RSF1: variants seen among roughly 807,000 people sequenced by gnomAD.
RSF1 encodes HBV pX-associated protein 8.
Under a neutral mutation model 145.2 loss-of-function variants are expected in RSF1, and 13 were observed. That is an observed-to-expected ratio of 0.09 (90% CI 0.06 to 0.14). The LOEUF (loss-of-function observed/expected upper bound fraction) is 0.14. RSF1 is among the 10% of genes least tolerant of loss of function. The pLI is 1.00. For missense variants in RSF1, 1,517 were observed against 1,718.2 expected, an observed-to-expected ratio of 0.88 and a Z score of 2.07; for synonymous variants, 577 against 592.6, an observed-to-expected ratio of 0.97 and a Z score of 0.38.
At chr11:77,696,541 A>C (rs931912873) in intron 7 of RSF1, among the ~76,000 whole-genome samples, 12 of 149,242 alleles carry the variant, frequency 8.0e-5, no homozygotes, top group Non-Finnish European at 7.4e-5. Flanking sequence ...TTCACAATAT[A>C]ATTTCTGCTC....
intron 2 of RSF1, 86 bp from the exon 3 acceptor site, chr11:77,747,214 T>C: frequency 2.5e-6 from 2 of 790,816 alleles, no homozygotes; most frequent in South Asian, 3.1e-5. Flanking sequence ...TTCTTGTTAA[T>C]ACATGTTTAT....
At chr11:77,869,876 C>G in the RSF1 span, 1 of 1,522,074 alleles carries the variant, frequency 6.6e-7, no homozygotes, top group Non-Finnish European at 9.1e-7. Flanking sequence ...GGGCCTTTGT[C>G]TTACAGACTT....
the RSF1 span, among the ~76,000 whole-genome samples, chr11:77,868,380 T>C: frequency 2.8e-5 from 3 of 105,382 alleles, no homozygotes; most frequent in Non-Finnish European, 5.6e-5. Context: ...TTTTTTGAGA[T>C]GAAGTCTTGG....
At chr11:77,828,387 GC>G in the RSF1 span, among the ~76,000 whole-genome samples, 1 of 152,168 alleles carries the variant, frequency 6.6e-6, no homozygotes, top group South Asian at 2.1e-4. Context: ...GAAAATTATA[GC>G]CGGGTGCGGT....
At chr11:77,765,714 A>G (rs1948218331) in intron 1 of RSF1, among the ~76,000 whole-genome samples, 1 of 152,180 alleles carries the variant, frequency 6.6e-6, no homozygotes. Context: ...CATTAATTAG[A>G]CCAGAGGGAC....
At chr11:77,779,210 CATTT>C (rs886425992) in intron 1 of RSF1, among the ~76,000 whole-genome samples, 22 of 150,580 alleles carry the variant, frequency 1.5e-4, no homozygotes, top group African/African-American at 5.4e-4. Flanking sequence ...TCCCAAAGGC[CATTT>C]ATTTATTTTT....
intron 5 of RSF1, among the ~76,000 whole-genome samples, chr11:77,724,135 A>T (rs908941101): frequency 6.6e-6 from 1 of 152,244 alleles, no homozygotes; most frequent in Non-Finnish European, 1.5e-5. Context: ...ACAAATGGCC[A>T]ATAAACACTT....
In RSF1 at chr11:77,820,686, A is replaced by ACCG. The variant is rs1555004054; in HGVS notation, c.26_28dup (p.Ala9dup). On this transcript the variant is annotated inframe_insertion, in exon 1 of 16. Coordinates refer to ENST00000308488, the MANE Select transcript of RSF1 (RefSeq NM_016578.4). ...ACCCGGGCAGCCCGGAGGAGCCATCACCGCCGCCGCTGCCGCCGCCGTCGC... is the reference window on the plus strand; with the variant it reads ...ACCCGGGCAGCCCGGAGGAGCCATCACCGCCGCCGCCGCTGCCGCCGCCGTCGC... 9 of 1,551,202 alleles carry ACCG rather than the reference A, an allele frequency of 5.8e-6. No individual in the cohort carries two copies. Among genetic ancestry groups the ACCG allele is most frequent in the Non-Finnish European group, 7.8e-6 (9 of 1,148,870 alleles).
At chr11:77,834,021 G>C in the RSF1 span, among the ~76,000 whole-genome samples, 4 of 152,202 alleles carry the variant, frequency 2.6e-5, no homozygotes, top group Non-Finnish European at 4.4e-5. Flanking sequence ...TTTGAAACTA[G>C]TTACCACCAT....
At chr11:77,863,729 G>A in the RSF1 span, among the ~76,000 whole-genome samples, 1 of 152,076 alleles carries the variant, frequency 6.6e-6, no homozygotes, top group Non-Finnish European at 1.5e-5. Flanking sequence ...TGCCCAGGCT[G>A]GTCTCAAACT....
At chr11:77,670,268 G>A (rs1276584777) in intron 15 of RSF1, among the ~76,000 whole-genome samples, 1 of 152,104 alleles carries the variant, frequency 6.6e-6, no homozygotes, top group African/African-American at 2.4e-5. Flanking sequence ...TCTGTTTGCT[G>A]AACATGACAA....
chr11:77,745,937 T>C (rs1947994913), intron 3 of RSF1, among the ~76,000 whole-genome samples: 2 of 151,990 alleles, frequency 1.3e-5, no homozygotes, highest in African/African-American at 2.4e-5. Context: ...GTTATATGTA[T>C]TATATCCACT....
chr11:77,869,318 T>C, the RSF1 span: 16 of 163,148 alleles, frequency 9.8e-5, no homozygotes, highest in Non-Finnish European at 1.0e-4. Context: ...TTTTCTTTTT[T>C]TTTTTTTTTT....
At chr11:77,793,364 A>G (rs1341724324) in intron 1 of RSF1, among the ~76,000 whole-genome samples, 1 of 152,188 alleles carries the variant, frequency 6.6e-6, no homozygotes. Context: ...CTGCACCTGT[A>G]GTCTCAGCTA....
At chr11:77,799,454 T>TA (rs2135975799) in intron 1 of RSF1, among the ~76,000 whole-genome samples, 1 of 145,570 alleles carries the variant, frequency 6.9e-6, no homozygotes, top group South Asian at 2.1e-4. Context: ...CAGTGAGCCA[T>TA]AATCTTGTCT....
At chr11:77,848,830 A>G in the RSF1 span, among the ~76,000 whole-genome samples, 3 of 151,410 alleles carry the variant, frequency 2.0e-5, no homozygotes, top group African/African-American at 7.3e-5. Flanking sequence ...CTGTCTCCCA[A>G]GCTGGAGTGC....
chr11:77,730,454 A>C (rs1021985953), intron 4 of RSF1, among the ~76,000 whole-genome samples: 2 of 152,108 alleles, frequency 1.3e-5, no homozygotes, highest in African/African-American at 2.4e-5. Context: ...ACAAATGCAT[A>C]CATTGTGTAA....
intron 5 of RSF1, among the ~76,000 whole-genome samples, chr11:77,706,219 GAC>G (rs1960545676): frequency 7.3e-6 from 1 of 136,308 alleles, no homozygotes; most frequent in Non-Finnish European, 1.5e-5. Flanking sequence ...CCAGCCTGGC[GAC>G]AGAGTGAGAC....
At chr11:77,822,414 CAAAAA>C (rs66463325), upstream of RSF1, among the ~76,000 whole-genome samples, 7 of 74,784 alleles carry the variant, frequency 9.4e-5, no homozygotes, top group Admixed American at 8.1e-4. Context: ...GACTCCACCT[CAAAAA>C]AAAAAAAAAA....
Sources: allele counts gnomAD v4.1 joint callset (sites outside exome capture counted in the v4.1 genomes callset), GRCh38; gene constraint gnomAD v4.1.1; transcripts MANE v1.5; gene names NCBI Gene and HGNC (gene_info 2026-07-23, HGNC 2026-07-21).